Variants in RGS7 observed in about 807,000 individuals in gnomAD.
The protein encoded by RGS7 is regulator of G protein signaling 7.
In RGS7, 27 loss-of-function variants were observed where a neutral mutation model predicts 81.1. The ratio of observed to expected loss-of-function variants is 0.33; its 90% CI spans 0.25 to 0.46. RGS7 has a LOEUF of 0.46. RGS7 is among the 20% of genes least tolerant of loss of function. The pLI is 1.00. For missense variants in RGS7, 396 were observed against 607.4 expected (o/e 0.65, Z 3.66); for synonymous variants, 208 against 207.7 (o/e 1.00, Z -0.01).
chr1:241,208,463 A>G (rs544135479), intron 2 of RGS7, among the ~76,000 whole-genome samples: 1 of 152,226 alleles, frequency 6.6e-6, no homozygotes, highest in South Asian at 2.1e-4. Context: ...TACCTGGCTG[A>G]TTGAATTTCC....
intron 3 of RGS7, among the ~76,000 whole-genome samples, chr1:241,047,733 C>CTTTTTTTTTTT (rs34738551): frequency 4.5e-5 from 4 of 89,514 alleles, no homozygotes; most frequent in Non-Finnish European, 8.3e-5. Flanking sequence ...GTTTACAATC[C>CTTTTTTTTTTT]TTTTTTTTTT....
intron 3 of RGS7, among the ~76,000 whole-genome samples, chr1:241,003,781 G>A (rs561878953): frequency 2.4e-4 from 37 of 151,980 alleles, no homozygotes; most frequent in Non-Finnish European, 4.1e-4. Context: ...ATGGAGTCTC[G>A]CTCTGTCACC....
intron 2 of RGS7, among the ~76,000 whole-genome samples, chr1:241,110,776 A>G (rs1185549473): frequency 6.8e-6 from 1 of 147,984 alleles, no homozygotes; most frequent in African/African-American, 2.5e-5. Flanking sequence ...TGCAGCCTCC[A>G]CCTCCCAGGT....
intron 14 of RGS7, among the ~76,000 whole-genome samples, chr1:240,810,190 T>C (rs1052537437): frequency 1.3e-5 from 2 of 152,160 alleles, no homozygotes; most frequent in African/African-American, 4.8e-5. Flanking sequence ...TTCTCCCAAC[T>C]AAACACCCAT....
chr1:241,198,304 T>C (rs2073234757), intron 2 of RGS7, among the ~76,000 whole-genome samples: 1 of 151,690 alleles, frequency 6.6e-6, no homozygotes, highest in Non-Finnish European at 1.5e-5. Flanking sequence ...AAGAGCAAAT[T>C]AAATGCAAAT....
At chr1:240,878,485 C>CTT (rs1558400005) in intron 6 of RGS7, among the ~76,000 whole-genome samples, 2 of 90,396 alleles carry the variant, frequency 2.2e-5, no homozygotes, top group South Asian at 4.0e-4. Flanking sequence ...TTTCTTTTTT[C>CTT]TTTCTTTTTT....
intron 3 of RGS7, among the ~76,000 whole-genome samples, chr1:241,095,511 C>A (rs2064183597): frequency 2.6e-5 from 4 of 151,988 alleles, no homozygotes; most frequent in Admixed American, 2.6e-4. Context: ...AAAAATCAAC[C>A]AGGCATGGTG....
chr1:240,810,420 A>G lies in RGS7; in HGVS notation c.1082+1498T>C, dbSNP rs1435769253. On this transcript the variant is annotated intron_variant, in intron 14 of 18. Coordinates refer to ENST00000440928, the MANE Select transcript of RGS7 (RefSeq NM_001364886.1). ...CACTAAAATGCCTCAAGGATCCTTT[A>G]TCTCTGCTTTATTTTTAATGCATTC... Among the ~76,000 whole-genome samples, 7 of 148,888 alleles carry G rather than the reference A, an allele frequency of 4.7e-5. No homozygotes were observed. The Admixed American group carries it at 4.7e-4, about 10-fold the overall frequency.
chr1:241,309,603 A>G (rs2080387116), intron 2 of RGS7, among the ~76,000 whole-genome samples: 1 of 152,174 alleles, frequency 6.6e-6, no homozygotes, highest in Non-Finnish European at 1.5e-5. Context: ...GATATAGACA[A>G]TAAAGTCATC....
At chr1:241,308,164 G>A (rs1304006356) in intron 2 of RGS7, among the ~76,000 whole-genome samples, 1 of 151,926 alleles carries the variant, frequency 6.6e-6, no homozygotes, top group Non-Finnish European at 1.5e-5. Context: ...GAATGTGGGG[G>A]GAATGAGGGG....
chr1:240,807,094 A>T (rs965060730), intron 14 of RGS7, among the ~76,000 whole-genome samples: 1 of 152,222 alleles, frequency 6.6e-6, no homozygotes, highest in Non-Finnish European at 1.5e-5. Context: ...TTCTGAAGAT[A>T]GACTTATTTA....
At chr1:240,960,546 CTTTTTT>C (rs5782170) in intron 4 of RGS7, among the ~76,000 whole-genome samples, 7 of 113,722 alleles carry the variant, frequency 6.2e-5, no homozygotes, top group Non-Finnish European at 3.6e-5. Context: ...CTGGGCTGTT[CTTTTTT>C]TTTTTTTTTT....
intron 2 of RGS7, among the ~76,000 whole-genome samples, chr1:241,303,344 C>T (rs1198261823): frequency 6.6e-6 from 1 of 152,126 alleles, no homozygotes; most frequent in Non-Finnish European, 1.5e-5. Flanking sequence ...GTGCCTGCTC[C>T]TCCTTCCCCT....
chr1:241,024,804 A>G (rs2059708894), intron 3 of RGS7, among the ~76,000 whole-genome samples: 1 of 152,216 alleles, frequency 6.6e-6, no homozygotes, highest in South Asian at 2.1e-4. Context: ...GGGATAATTC[A>G]GGCCTGTTTT....
chr1:241,161,594 TTAA>T (rs71652243), intron 2 of RGS7, among the ~76,000 whole-genome samples: 2,362 of 150,122 alleles, frequency 0.016, 57 homozygotes, highest in African/African-American at 0.055. Flanking sequence ...ATAACTAATA[TTAA>T]TAATAATAAC....
At chr1:241,099,326 C>A (rs1415048415) in intron 2 of RGS7, among the ~76,000 whole-genome samples, 1 of 140,492 alleles carries the variant, frequency 7.1e-6, no homozygotes. Context: ...CACATACACA[C>A]TCTCATGCAC....
chr1:240,782,014 C>CA (rs113027458), intron 18 of RGS7, among the ~76,000 whole-genome samples: 14,168 of 128,678 alleles, frequency 0.11, 2,109 homozygotes, highest in African/African-American at 0.35. Context: ...GACTCCGTCT[C>CA]AAAAAAAAAA....
At chr1:241,283,476 G>A (rs2078632531) in intron 2 of RGS7, among the ~76,000 whole-genome samples, 1 of 151,936 alleles carries the variant, frequency 6.6e-6, no homozygotes. Flanking sequence ...TTTCCTTCTG[G>A]CTTCCAATGT....
chr1:240,892,855 C>T (rs1243386793), intron 6 of RGS7, among the ~76,000 whole-genome samples: 6 of 152,036 alleles, frequency 3.9e-5, no homozygotes, highest in East Asian at 1.9e-4. Flanking sequence ...TCATTCTTTG[C>T]TCAATTAAAC....
Sources: gnomAD v4.1 joint callset for allele counts (sites outside exome capture counted in the v4.1 genomes callset) on GRCh38, gnomAD v4.1.1 for gene constraint, MANE v1.5 for transcripts, NCBI Gene and HGNC (gene_info 2026-07-23, HGNC 2026-07-21) for gene names.